Variants in GAB2 observed in about 807,000 individuals in gnomAD.
The protein encoded by GAB2 is GRB2-associated-binding protein 2.
In GAB2, 26 loss-of-function variants were observed where a neutral mutation model predicts 65.5. The ratio of observed to expected loss-of-function variants is 0.40; its 90% CI spans 0.29 to 0.55. The LOEUF is 0.55. Among genes scored for constraint, GAB2 ranks in the 20% least tolerant of loss-of-function variants. The probability of loss-of-function intolerance (pLI) is 0.53; values close to 1 mark genes in which losing one functional copy is unlikely to be tolerated. For synonymous variants in GAB2, 321 were observed against 329.6 expected (o/e 0.97, Z 0.28); for missense variants, 884 against 875.8 (o/e 1.01, Z -0.12).
At chr11:78,415,092 G>A (rs1857177726) in intron 1 of GAB2, among the ~76,000 whole-genome samples, 2 of 152,250 alleles carry the variant, frequency 1.3e-5, no homozygotes, top group Middle Eastern at 6.8e-3. Flanking sequence ...GGCTGGTCTC[G>A]AACTTCTGAC....
intron 1 of GAB2, among the ~76,000 whole-genome samples, chr11:78,376,563 G>C (rs1856633704): frequency 6.6e-6 from 1 of 152,184 alleles, no homozygotes; most frequent in South Asian, 2.1e-4. Context: ...GTTGTGTTCA[G>C]TATATGTGAA....
chr11:78,293,436 C>T (rs181737572), intron 1 of GAB2, among the ~76,000 whole-genome samples: 110 of 152,258 alleles, frequency 7.2e-4, no homozygotes, highest in Middle Eastern at 3.4e-3. Context: ...TTATTTGCTT[C>T]TGTTTTGGGG....
chr11:78,273,055 G>T (rs1866060749), intron 2 of GAB2, among the ~76,000 whole-genome samples: 1 of 152,250 alleles, frequency 6.6e-6, no homozygotes, highest in South Asian at 2.1e-4. Context: ...AGGATGTATG[G>T]AAGTATGGAT....
At chr11:78,245,013 T>G (rs960116130) in intron 3 of GAB2, among the ~76,000 whole-genome samples, 2 of 152,212 alleles carry the variant, frequency 1.3e-5, no homozygotes, top group Non-Finnish European at 2.9e-5. Context: ...TTAGTCACGA[T>G]AGCCAAGATA....
intron 1 of GAB2, among the ~76,000 whole-genome samples, chr11:78,385,261 T>A (rs1254093742): frequency 6.6e-6 from 1 of 152,230 alleles, no homozygotes; most frequent in African/African-American, 2.4e-5. Context: ...CCAAAACTTA[T>A]GGATCTTCAC....
chr11:78,223,230 C>T (rs1243738979), intron 6 of GAB2, among the ~76,000 whole-genome samples, 182 bp downstream of exon 6: 1 of 152,098 alleles, frequency 6.6e-6, no homozygotes, highest in Admixed American at 6.5e-5. Context: ...CTCTCCTTTG[C>T]AGCAAACCTG....
intron 1 of GAB2, among the ~76,000 whole-genome samples, chr11:78,380,037 G>A (rs926005894): frequency 6.6e-6 from 1 of 152,128 alleles, no homozygotes; most frequent in Non-Finnish European, 1.5e-5. Flanking sequence ...TGATTATGAA[G>A]TAGTTTTAGA....
Position 78,278,218 on chromosome 11 carries a change from C to T in GAB2, c.376+2383G>A, listed in dbSNP as rs147068492. Among the ~76,000 whole-genome samples the T allele has an allele frequency of 7.8e-3, 1,176 of 151,494 alleles. 13 individuals are homozygous for T. Among genetic ancestry groups the T allele is most frequent in the African/African-American group, 0.027 (1,115 of 41,306 alleles). ...CCAAGTAGCTGGGATTACAGGCGCC[C>T]ACCACCATGCCTGGTTAATTTTTGT... is the stretch of plus-strand genomic sequence containing the variant. On this transcript the variant is annotated intron_variant, in intron 2 of 9. Transcript: ENST00000361507.
At chr11:78,290,842 G>A (rs914628923) in intron 1 of GAB2, among the ~76,000 whole-genome samples, 1 of 152,124 alleles carries the variant, frequency 6.6e-6, no homozygotes, top group Non-Finnish European at 1.5e-5. Flanking sequence ...CTAAATGAGT[G>A]GTCCAAAGCA....
intron 1 of GAB2, among the ~76,000 whole-genome samples, chr11:78,322,298 CAAAAAAAAA>C (rs56709163): frequency 0.011 from 135 of 12,060 alleles, no homozygotes; most frequent in African/African-American, 0.023. Context: ...GACTCTGTCT[CAAAAAAAAA>C]AAAAAAAAAA....
intron 2 of GAB2, among the ~76,000 whole-genome samples, chr11:78,278,696 G>A (rs777589047): frequency 8.1e-5 from 12 of 148,560 alleles, no homozygotes; most frequent in South Asian, 2.1e-4. Context: ...CTTTTAATTC[G>A]TTTCTTATTC....
intron 3 of GAB2, among the ~76,000 whole-genome samples, chr11:78,232,277 C>T (rs1171312617): frequency 1.3e-5 from 2 of 152,148 alleles, no homozygotes; most frequent in African/African-American, 4.8e-5. Flanking sequence ...TCTGGAATCT[C>T]ACCAATGAAA....
intron 1 of GAB2, among the ~76,000 whole-genome samples, chr11:78,313,037 A>C (rs1855533095): frequency 6.6e-6 from 1 of 152,206 alleles, no homozygotes; most frequent in Non-Finnish European, 1.5e-5. Flanking sequence ...GTGATCTATC[A>C]GTCCTTGGTC....
At chr11:78,378,228 A>G (rs1205285153) in intron 1 of GAB2, among the ~76,000 whole-genome samples, 1 of 152,192 alleles carries the variant, frequency 6.6e-6, no homozygotes, top group African/African-American at 2.4e-5. Flanking sequence ...CTTATCACCT[A>G]TAGACAGCTT....
chr11:78,261,301 CA>C (rs1865724717), intron 2 of GAB2, among the ~76,000 whole-genome samples: 1 of 152,048 alleles, frequency 6.6e-6, no homozygotes, highest in Non-Finnish European at 1.5e-5. Context: ...AAAACCAAAA[CA>C]AAAACCAGAA....
Position 78,217,888 on chromosome 11 carries a change from C to T in GAB2, c.*1384G>A, listed in dbSNP as rs1864228666. 6.6e-6 allele frequency: 1 copy of T among 152,386 alleles called. No individual in the cohort carries two copies. The highest frequency in any genetic ancestry group is 6.5e-5 in the Admixed American group (1 of 15,284). The allele number at this position is 152,386 out of a possible 1,614,324, so 9.4% of individuals were successfully genotyped here. ...CAGCCCATGGGCACAAGCTGTCAGC[C>T]ATGCCTGATGTGGTCCTCTAGGCAT... On this transcript the variant is annotated 3_prime_UTR_variant, in exon 10 of 10. Coordinates refer to ENST00000361507, the MANE Select transcript of GAB2 (RefSeq NM_080491.3).
intron 1 of GAB2, among the ~76,000 whole-genome samples, chr11:78,300,695 G>GTTTTTTTTTTTTTTTTTTTTTTTTTTT (rs769243672): frequency 8.8e-6 from 1 of 113,256 alleles, no homozygotes; most frequent in African/African-American, 3.2e-5. Flanking sequence ...GTTTTTTTTT[G>GTTTTTTTTTTTTTTTTTTTTTTTTTTT]TTTTTTTTTT....
At chr11:78,229,310 C>T (rs924597924) in intron 3 of GAB2, among the ~76,000 whole-genome samples, 4 of 152,124 alleles carry the variant, frequency 2.6e-5, no homozygotes, top group South Asian at 2.1e-4. Flanking sequence ...TCTAGAAACT[C>T]GAAGCTGCTC....
intron 2 of GAB2, among the ~76,000 whole-genome samples, chr11:78,257,045 C>A (rs1402370407): frequency 6.6e-6 from 1 of 151,714 alleles, no homozygotes; most frequent in African/African-American, 2.4e-5. Flanking sequence ...CTTTTTAGGG[C>A]CCTACAGAAT....
Sources: gnomAD v4.1 joint callset for allele counts (sites outside exome capture counted in the v4.1 genomes callset) on GRCh38, gnomAD v4.1.1 for gene constraint, MANE v1.5 for transcripts, NCBI Gene and HGNC (gene_info 2026-07-23, HGNC 2026-07-21) for gene names.